NECAB2: variants seen among roughly 807,000 people sequenced by gnomAD.
The protein encoded by NECAB2 is N-terminal EF-hand calcium binding protein 2.
In NECAB2, 68 loss-of-function variants were observed where a neutral mutation model predicts 51.9. That is an observed-to-expected ratio of 1.31 (90% CI 1.08 to 1.60). The LOEUF (loss-of-function observed/expected upper bound fraction) is 1.60, where lower values mean the gene tolerates loss of function less well. Among genes scored for constraint, NECAB2 ranks in the 40% most tolerant of loss-of-function variants. The pLI is 0.00. For synonymous variants in NECAB2, 329 were observed against 203.5 expected (o/e 1.62, Z -5.25); for missense variants, 854 against 490.3 (o/e 1.74, Z -7.00).
Position 83,998,191 on chromosome 16 carries a change from G to C in NECAB2, c.850-14G>C, listed in dbSNP as rs1317580474. Reference sequence around the variant, plus strand: ...GACGTGGAGCCCCACACTGACTCCTGCTGTGCCCGGCAGCACCTGCAGCTG... The same window carrying C: ...GACGTGGAGCCCCACACTGACTCCTCCTGTGCCCGGCAGCACCTGCAGCTG... On this transcript the variant is annotated splice_polypyrimidine_tract_variant and intron_variant, in intron 9 of 12. Coordinates refer to ENST00000305202, the MANE Select transcript of NECAB2 (RefSeq NM_019065.3). 1.1e-5 allele frequency: 18 copies of C among 1,605,412 alleles called. No individual in the cohort carries two copies. Among genetic ancestry groups the C allele is most frequent in the Non-Finnish European group, 1.5e-5 (18 of 1,179,532 alleles).
intron 10 of NECAB2, 101 bp downstream of exon 10, chr16:83,998,418 T>C (rs7201492): frequency 0.14 from 156,807 of 1,112,124 alleles, 20,722 homozygotes; most frequent in African/African-American, 0.64. Flanking sequence ...TAGTACAAGT[T>C]GCACCCCAGG....
chr16:84,002,389 T>A lies in NECAB2; in HGVS notation c.*43T>A. The A allele has an allele frequency of 1.3e-6, 2 of 1,595,852 alleles. No individual in the cohort carries two copies. The highest frequency in any genetic ancestry group is 1.7e-6 in the Non-Finnish European group (2 of 1,172,198). On this transcript the variant is annotated 3_prime_UTR_variant, in exon 13 of 13. Transcript: ENST00000305202. ...GTGGAGGAGCCCACCAGCCCCTTCT[T>A]CTTGTGAAGGAAATCCCGTTTTTTT...
intron 11 of NECAB2, 63 bp from the exon 12 acceptor site, chr16:84,001,760 CAG>C (rs1466169592): frequency 7.1e-6 from 11 of 1,557,578 alleles, no homozygotes; most frequent in East Asian, 4.5e-5. Flanking sequence ...CTAGGATTAA[CAG>C]GGGAGCCACA....
At position 83,968,865 on chromosome 16, in the gene NECAB2, C is replaced by A. The variant is rs1466421399; in HGVS notation, c.201+16C>A. On this transcript the variant is annotated intron_variant, in intron 1 of 12. Coordinates refer to ENST00000305202, the MANE Select transcript of NECAB2 (RefSeq NM_019065.3). Reference sequence around the variant, plus strand: ...CATCCTGGACGTGAGTACGCGCCGGCCGGGACCCCCGCCGTGGCCTCCGCT... The same window carrying A: ...CATCCTGGACGTGAGTACGCGCCGGACGGGACCCCCGCCGTGGCCTCCGCT... 2 of 1,115,084 alleles carry A rather than the reference C, an allele frequency of 1.8e-6. No individual in the cohort carries two copies. The highest frequency in any genetic ancestry group is 9.8e-5 in the East Asian group (2 of 20,404). The allele number at this position is 1,115,084 out of a possible 1,614,324, so 69.1% of individuals were successfully genotyped here.
At chr16:83,978,784 AAGG>A (rs1323380421) in intron 3 of NECAB2, among the ~76,000 whole-genome samples, 1 of 152,006 alleles carries the variant, frequency 6.6e-6, no homozygotes, top group African/African-American at 2.4e-5. Context: ...ATGGCCAACT[AAGG>A]AGAGACTCCT....
chr16:84,000,536 A>C (rs115382156), intron 10 of NECAB2, among the ~76,000 whole-genome samples, 188 bp from the exon 11 acceptor site: 1 of 152,180 alleles, frequency 6.6e-6, no homozygotes, highest in Non-Finnish European at 1.5e-5. Context: ...GTTGGCCACT[A>C]TAAGAAGCCA....
chr16:83,965,335 G>A, upstream of NECAB2: 1 of 1,573,788 alleles, frequency 6.4e-7, no homozygotes, highest in Non-Finnish European at 8.6e-7. Flanking sequence ...GCCCGGCCCG[G>A]CTGGGCATCC....
intron 6 of NECAB2, among the ~76,000 whole-genome samples, chr16:83,993,801 C>G (rs1001926935): frequency 1.3e-5 from 2 of 152,134 alleles, no homozygotes; most frequent in Non-Finnish European, 2.9e-5. Context: ...AGTTTCTGTC[C>G]TGTTACATCC....
At chr16:83,974,721 A>C (rs2084385947) in intron 2 of NECAB2, among the ~76,000 whole-genome samples, 1 of 152,140 alleles carries the variant, frequency 6.6e-6, no homozygotes, top group African/African-American at 2.4e-5. Flanking sequence ...ACAGCAGCTT[A>C]AAAGCTTGTA....
intron 8 of NECAB2, among the ~76,000 whole-genome samples, chr16:83,995,664 C>T (rs79108045): frequency 0.068 from 10,355 of 151,998 alleles, 450 homozygotes; most frequent in Middle Eastern, 0.12. Context: ...TTTTTTACAC[C>T]CTTTGTAAAG....
chr16:83,998,383 G>A (rs2084751651), intron 10 of NECAB2, 66 bp downstream of exon 10: 4 of 1,482,230 alleles, frequency 2.7e-6, no homozygotes, highest in East Asian at 2.3e-5. Context: ...TGGAGGAACA[G>A]GGCAGGACTA....
intron 8 of NECAB2, among the ~76,000 whole-genome samples, chr16:83,995,310 T>C (rs1164641039): frequency 6.6e-6 from 1 of 152,200 alleles, no homozygotes; most frequent in Non-Finnish European, 1.5e-5. Context: ...GTCAGAATTC[T>C]GGTTGTGCCA....
At position 84,002,496 on chromosome 16, in the gene NECAB2, GC is replaced by G; in HGVS notation, c.*152del. ...GTTTCCCTGTTGTTAAGTGAAGGAGGCCGCCCCTGCCCCCACCTGAGAAGGC... is the reference window on the plus strand; with the variant it reads ...GTTTCCCTGTTGTTAAGTGAAGGAGGCGCCCCTGCCCCCACCTGAGAAGGC... On this transcript the variant is annotated 3_prime_UTR_variant, in exon 13 of 13. Coordinates refer to ENST00000305202, the MANE Select transcript of NECAB2 (RefSeq NM_019065.3). 2 of 1,005,616 alleles carry G rather than the reference GC, an allele frequency of 2.0e-6. No individual in the cohort carries two copies. The highest frequency in any genetic ancestry group is 3.0e-6 in the Non-Finnish European group (2 of 666,342). The allele number at this position is 1,005,616 out of a possible 1,614,324, so 62.3% of individuals were successfully genotyped here.
rs112951652 is a variant in NECAB2 at position 84,000,865 on chromosome 16, G to A, written c.1040+64G>A. On this transcript the variant is annotated intron_variant, in intron 11 of 12. Transcript: ENST00000305202. ...AGGGAAGTGGGGGGGCTGTCTTCCTGGAGCCAGGCATCCTTGGAGGGGAGG... is the reference window on the plus strand; with the variant it reads ...AGGGAAGTGGGGGGGCTGTCTTCCTAGAGCCAGGCATCCTTGGAGGGGAGG... 358 of 1,527,044 alleles carry A rather than the reference G, an allele frequency of 2.3e-4. 1 individual carries two copies. The African/African-American group carries it at 3.8e-3, about 16-fold the overall frequency. 94.6% of individuals were successfully genotyped at this position (1,527,044 alleles called of 1,614,324 possible). A position where few individuals can be genotyped will look rare whatever the true frequency, so the allele number is the denominator to read the frequency against.
intron 1 of NECAB2, among the ~76,000 whole-genome samples, chr16:83,971,060 C>G (rs2084342147): frequency 6.6e-6 from 1 of 151,500 alleles, no homozygotes; most frequent in Non-Finnish European, 1.5e-5. Context: ...CGCCACTGCA[C>G]TCCAGCCTGG....
upstream of NECAB2, among the ~76,000 whole-genome samples, chr16:83,966,871 G>C (rs549856017): frequency 1.5e-3 from 227 of 152,302 alleles, no homozygotes; most frequent in African/African-American, 5.2e-3. Context: ...TTTCATAGCA[G>C]TGCAGTTTTT....
chr16:83,967,744 ATGGGAGGG>A (rs1461345420), upstream of NECAB2, among the ~76,000 whole-genome samples: 1 of 111,064 alleles, frequency 9.0e-6, no homozygotes, highest in African/African-American at 3.9e-5. Flanking sequence ...GGATGGATGG[ATGGGAGGG>A]TGGATGGATG....
chr16:83,979,866 G>T (rs2084461899), intron 3 of NECAB2, among the ~76,000 whole-genome samples: 2 of 152,092 alleles, frequency 1.3e-5, no homozygotes, highest in Non-Finnish European at 2.9e-5. Flanking sequence ...TAGCCCCTTG[G>T]GATGCTAAAT....
intron 6 of NECAB2, among the ~76,000 whole-genome samples, chr16:83,992,377 T>TCCCCCCCCCCCCCCCCCC (rs60014664): frequency 7.5e-6 from 1 of 133,046 alleles, no homozygotes; most frequent in African/African-American, 3.2e-5. Context: ...CGAGCACCCG[T>TCCCCCCCCCCCCCCCCCC]CCCCCCGCCC....
Sources: allele counts gnomAD v4.1 joint callset (sites outside exome capture counted in the v4.1 genomes callset), GRCh38; gene constraint gnomAD v4.1.1; transcripts MANE v1.5; gene names NCBI Gene and HGNC (gene_info 2026-07-23, HGNC 2026-07-21).